The following SCMH1 variants were observed in gnomAD, a reference collection of about 807,000 sequenced individuals.
SCMH1 encodes the protein Scm polycomb group protein homolog 1.
SCMH1 carries 37 observed loss-of-function variants against 70.8 expected under a neutral mutation model. The ratio of observed to expected loss-of-function variants is 0.52; its 90% CI spans 0.40 to 0.69. The LOEUF (loss-of-function observed/expected upper bound fraction) is 0.69, where lower values mean the gene tolerates loss of function less well. SCMH1 is among the 30% of genes least tolerant of loss of function. The pLI, the probability that SCMH1 is intolerant of heterozygous loss-of-function variation, is 0.00. For missense variants in SCMH1, 607 were observed against 827.3 expected (o/e 0.73, Z 3.27); for synonymous variants, 292 against 307.4 (o/e 0.95, Z 0.52).
Position 41,037,423 on chromosome 1 carries a change from C to T in SCMH1, c.1617G>A (p.Leu539=), listed in dbSNP as rs758545092. The change falls in exon 13 of 15, where the codon TTG becomes TTA. Residue 539 remains leucine (L), a synonymous_variant. Coordinates refer to ENST00000337495, the Ensembl canonical transcript of SCMH1. ...TTGGTGGGAGGCCACAGGATGAAAG[C>T]AAGGGCCGGTGCCTTTGGGAGGTGC... 3 of 1,614,228 alleles carry T rather than the reference C, an allele frequency of 1.9e-6. No individual in the cohort carries two copies. The East Asian group carries it at 6.7e-5, about 36-fold the overall frequency.
chr1:41,038,382 G>GCCA (rs1488313970), intron 12 of SCMH1, among the ~76,000 whole-genome samples: 1 of 152,194 alleles, frequency 6.6e-6, no homozygotes, highest in Non-Finnish European at 1.5e-5. Context: ...CTCAGCCTAG[G>GCCA]CCACAGCTTC....
chr1:41,171,873 T>A (rs557039657), intron 2 of SCMH1, among the ~76,000 whole-genome samples: 1 of 152,058 alleles, frequency 6.6e-6, no homozygotes, highest in African/African-American at 2.4e-5. Context: ...TACCCAAACC[T>A]ATGGGATACA....
intron 1 of SCMH1, among the ~76,000 whole-genome samples, chr1:41,239,950 C>A (rs1037068596): frequency 2.6e-4 from 39 of 152,242 alleles, no homozygotes; most frequent in Admixed American, 1.8e-3. Flanking sequence ...TTTAAATTTT[C>A]AGTGGGATAT....
intron 10 of SCMH1, among the ~76,000 whole-genome samples, chr1:41,052,317 T>A (rs1310482725): frequency 6.6e-6 from 1 of 152,236 alleles, no homozygotes; most frequent in South Asian, 2.1e-4. Context: ...AGATCAACAG[T>A]GGCATTAAAT....
intron 11 of SCMH1, among the ~76,000 whole-genome samples, chr1:41,047,198 G>A (rs568653622): frequency 6.6e-6 from 1 of 152,216 alleles, no homozygotes; most frequent in Admixed American, 6.5e-5. Flanking sequence ...GGGGATTTGG[G>A]GAGATAGGTC....
At chr1:41,180,166 A>C (rs11209628) in intron 2 of SCMH1, among the ~76,000 whole-genome samples, 70,258 of 151,814 alleles carry the variant, frequency 0.46, 17,994 homozygotes, top group Admixed American at 0.6. Flanking sequence ...ATTCAACAAC[A>C]CTTCATGCTA....
At chr1:41,062,257 C>T (rs1295292457) in intron 10 of SCMH1, among the ~76,000 whole-genome samples, 1 of 152,106 alleles carries the variant, frequency 6.6e-6, no homozygotes, top group East Asian at 1.9e-4. Flanking sequence ...TTCAACAATG[C>T]ACTTCTAAAT....
At chr1:41,192,014 T>C (rs1239883475) in intron 1 of SCMH1, among the ~76,000 whole-genome samples, 1 of 152,226 alleles carries the variant, frequency 6.6e-6, no homozygotes, top group African/African-American at 2.4e-5. Context: ...ACAGCTTTCA[T>C]GTGTGCAAGG....
intron 8 of SCMH1, among the ~76,000 whole-genome samples, chr1:41,106,913 C>T (rs1668079138): frequency 6.6e-6 from 1 of 151,866 alleles, no homozygotes; most frequent in Non-Finnish European, 1.5e-5. Flanking sequence ...TGGTCGCTAA[C>T]TCTTCACCTT....
At chr1:41,162,356 C>G (rs1216567320) in intron 2 of SCMH1, among the ~76,000 whole-genome samples, 1 of 152,118 alleles carries the variant, frequency 6.6e-6, no homozygotes, top group Non-Finnish European at 1.5e-5. Context: ...AGGGCGGATC[C>G]CTGGTGAGGC....
At chr1:41,076,502 C>T (rs561330047) in intron 8 of SCMH1, among the ~76,000 whole-genome samples, 1 of 152,252 alleles carries the variant, frequency 6.6e-6, no homozygotes, top group African/African-American at 2.4e-5. Flanking sequence ...TCTCATGGAG[C>T]TTACCTCCTA....
At chr1:41,117,955 G>T (rs1670956694) in intron 6 of SCMH1, among the ~76,000 whole-genome samples, 3 of 152,032 alleles carry the variant, frequency 2.0e-5, no homozygotes, top group Admixed American at 2.0e-4. Context: ...TGGTGGCAGT[G>T]GTCCCCCTGG....
At chr1:41,179,229 C>G (rs1229937353) in intron 2 of SCMH1, among the ~76,000 whole-genome samples, 1 of 152,004 alleles carries the variant, frequency 6.6e-6, no homozygotes, top group African/African-American at 2.4e-5. Flanking sequence ...GGGACACATT[C>G]AAAGCAGTGT....
At chr1:41,213,076 T>C (rs1443461313) in intron 1 of SCMH1, among the ~76,000 whole-genome samples, 1 of 152,128 alleles carries the variant, frequency 6.6e-6, no homozygotes, top group Non-Finnish European at 1.5e-5. Context: ...ATCCAAATAA[T>C]AAATAACTTG....
chr1:41,087,532 T>C (rs1384933638), intron 8 of SCMH1, among the ~76,000 whole-genome samples: 1 of 150,186 alleles, frequency 6.7e-6, no homozygotes, highest in Non-Finnish European at 1.5e-5. Context: ...AAAAAAAAGA[T>C]AAAATGGCAC....
intron 2 of SCMH1, among the ~76,000 whole-genome samples, chr1:41,174,704 T>C (rs183108399): frequency 6.6e-6 from 1 of 152,354 alleles, no homozygotes; most frequent in East Asian, 1.9e-4. Context: ...TATTTCATTA[T>C]GAATGTTTGT....
intron 5 of SCMH1, among the ~76,000 whole-genome samples, chr1:41,145,882 C>T (rs180726169): frequency 5.3e-5 from 8 of 152,254 alleles, no homozygotes; most frequent in Non-Finnish European, 1.5e-5. Context: ...AAGTATAGCA[C>T]ATACAATTAT....
intron 6 of SCMH1, among the ~76,000 whole-genome samples, chr1:41,132,738 C>A (rs991108798): frequency 1.3e-5 from 2 of 151,548 alleles, no homozygotes; most frequent in Non-Finnish European, 3.0e-5. Context: ...TGTAAGGAGT[C>A]CAGTTTCAGG....
At chr1:41,071,426 TAC>T (rs1656459564) in intron 9 of SCMH1, among the ~76,000 whole-genome samples, 1 of 152,212 alleles carries the variant, frequency 6.6e-6, no homozygotes, top group Non-Finnish European at 1.5e-5. Context: ...ATGATATGTT[TAC>T]ATACCAGTAT....
Sources: gnomAD v4.1 joint callset for allele counts (sites outside exome capture counted in the v4.1 genomes callset) on GRCh38, gnomAD v4.1.1 for gene constraint, MANE v1.5 for transcripts, NCBI Gene and HGNC (gene_info 2026-07-23, HGNC 2026-07-21) for gene names.